TRPC6: variants seen among roughly 807,000 people sequenced by gnomAD.
TRPC6 encodes the protein short transient receptor potential channel 6.
Under a neutral mutation model 90.7 loss-of-function variants are expected in TRPC6, and 55 were observed. That is an observed-to-expected ratio of 0.61 (90% CI 0.49 to 0.76). The LOEUF (loss-of-function observed/expected upper bound fraction) is 0.76. TRPC6 is among the 30% of genes least tolerant of loss of function. The pLI is 0.00. For synonymous variants in TRPC6, 393 were observed against 393.0 expected, an observed-to-expected ratio of 1.00 and a Z score of 0.00; for missense variants, 989 against 1,122.7, an observed-to-expected ratio of 0.88 and a Z score of 1.70.
chr11:101,477,731 G>T (rs1000230102), intron 5 of TRPC6, among the ~76,000 whole-genome samples: 3 of 152,102 alleles, frequency 2.0e-5, no homozygotes, highest in Non-Finnish European at 2.9e-5. Context: ...CTACTTCATT[G>T]GATTGTTATG....
At chr11:101,535,207 G>A (rs150942628) in intron 1 of TRPC6, among the ~76,000 whole-genome samples, 1 of 78,606 alleles carries the variant, frequency 1.3e-5, no homozygotes, top group Non-Finnish European at 3.5e-5. Context: ...AGGAAGGAAG[G>A]AAGGAAGGAA....
At chr11:101,541,219 T>C (rs10895135) in intron 1 of TRPC6, among the ~76,000 whole-genome samples, 16,353 of 152,242 alleles carry the variant, frequency 0.11, 1,635 homozygotes, top group East Asian at 0.54. Flanking sequence ...TTTGTTTTTT[T>C]CTATGATGAA....
chr11:101,522,490 C>G (rs944044272), intron 1 of TRPC6, among the ~76,000 whole-genome samples: 2 of 152,142 alleles, frequency 1.3e-5, no homozygotes, highest in Non-Finnish European at 2.9e-5. Context: ...TTCTTTATAG[C>G]AATGTGAGAA....
intron 10 of TRPC6, among the ~76,000 whole-genome samples, chr11:101,462,042 C>A (rs1859016426): frequency 6.6e-6 from 1 of 152,160 alleles, no homozygotes; most frequent in South Asian, 2.1e-4. Flanking sequence ...GTATGGCTAG[C>A]CAGTTTTCCC....
chr11:101,500,463 C>T (rs1409023369), intron 2 of TRPC6, among the ~76,000 whole-genome samples: 3 of 151,992 alleles, frequency 2.0e-5, no homozygotes, highest in Non-Finnish European at 4.4e-5. Flanking sequence ...CCACCTCGGC[C>T]TCCCAAAGTG....
At chr11:101,563,222 G>A (rs746594230) in intron 1 of TRPC6, among the ~76,000 whole-genome samples, 10 of 152,172 alleles carry the variant, frequency 6.6e-5, no homozygotes, top group African/African-American at 9.7e-5. Flanking sequence ...CTACCACATA[G>A]TGTTGTACTA....
At chr11:101,565,853 T>C (rs1591142228) in intron 1 of TRPC6, among the ~76,000 whole-genome samples, 1 of 152,276 alleles carries the variant, frequency 6.6e-6, no homozygotes, top group African/African-American at 2.4e-5. Context: ...AACTATATTT[T>C]TAAAAATCAT....
In TRPC6 at chr11:101,504,205, C is replaced by A; in HGVS notation, c.764G>T (p.Cys255Phe). The A allele has an allele frequency of 1.2e-6, 2 of 1,614,136 alleles. No homozygotes were observed. Among genetic ancestry groups the A allele is most frequent in the African/African-American group, 1.3e-5 (1 of 75,048 alleles). Residue 255 changes from cysteine to phenylalanine, a missense_variant, in exon 2 of 13, where the codon TGC (cysteine) becomes TTC (phenylalanine). Coordinates refer to ENST00000344327, the MANE Select transcript of TRPC6 (RefSeq NM_004621.6). ...IERPHDYFCK[C>F]NDCNQKQKHD... Reference sequence around the variant, plus strand: ...CTTCTGTTTCTGGTTGCAGTCATTGCACTTGCAGAAATAATCATGAGGCCG... The same window carrying A: ...CTTCTGTTTCTGGTTGCAGTCATTGAACTTGCAGAAATAATCATGAGGCCG...
rs916797171 is a variant in TRPC6 at position 101,452,297 on chromosome 11, C to G, written c.*658G>C. The G allele has an allele frequency of 2.0e-5, 3 of 152,838 alleles. No individual in the cohort carries two copies. The highest frequency in any genetic ancestry group is 7.2e-5 in the African/African-American group (3 of 41,426). The allele number at this position is 152,838 out of a possible 1,614,324, so 9.5% of individuals were successfully genotyped here. On this transcript the variant is annotated 3_prime_UTR_variant, in exon 13 of 13. Transcript: ENST00000344327. Reference sequence around the variant, plus strand: ...ACACATTTACACACACGCACACACACAAAACTGGACCATGTTTCCAGGGTT... The same window carrying G: ...ACACATTTACACACACGCACACACAGAAAACTGGACCATGTTTCCAGGGTT...
intron 1 of TRPC6, among the ~76,000 whole-genome samples, chr11:101,573,952 G>A (rs909884422): frequency 9.6e-5 from 13 of 135,290 alleles, no homozygotes; most frequent in African/African-American, 1.7e-4. Context: ...GTGTGTGTGT[G>A]TGTGTATGTG....
chr11:101,502,492 C>A (rs144087930), intron 2 of TRPC6, among the ~76,000 whole-genome samples: 188 of 152,174 alleles, frequency 1.2e-3, no homozygotes, highest in African/African-American at 4.3e-3. Context: ...ATATAATAGT[C>A]TTCAGTGGTT....
rs1858800006 is a variant in TRPC6 at position 101,453,057 on chromosome 11, G to A, written c.2694C>T (p.Leu898=). Residue 898 remains leucine (L), a synonymous_variant, in exon 13 of 13, where the codon CTC becomes CTT. Transcript: ENST00000344327. ...CTGTATTCTGAGATTTTTCTTCAAG[G>A]AGTTCATAGCGGAGACTTGAGATGT... ...KQDISSLRYE[L]LEEKSQNTED... is the part of the protein sequence containing the mutation. The A allele has an allele frequency of 1.9e-6, 3 of 1,613,804 alleles. No individual in the cohort carries two copies. In the East Asian group the frequency reaches 6.7e-5, roughly 36 times the overall value.
At chr11:101,467,927 T>G (rs886176053) in intron 10 of TRPC6, among the ~76,000 whole-genome samples, 2 of 152,242 alleles carry the variant, frequency 1.3e-5, no homozygotes, top group African/African-American at 4.8e-5. Flanking sequence ...GTTAAATACC[T>G]TATTTTCCAT....
At chr11:101,517,476 T>C (rs530847858) in intron 1 of TRPC6, among the ~76,000 whole-genome samples, 2 of 152,354 alleles carry the variant, frequency 1.3e-5, no homozygotes, top group East Asian at 1.9e-4. Flanking sequence ...CGAAGGCTCA[T>C]GTTTCCTCTA....
chr11:101,568,435 T>A (rs1861883208), intron 1 of TRPC6, among the ~76,000 whole-genome samples: 1 of 152,164 alleles, frequency 6.6e-6, no homozygotes, highest in Non-Finnish European at 1.5e-5. Context: ...TTGGAAAACA[T>A]TCTTCAGAAT....
At chr11:101,542,857 G>GA (rs1379190916) in intron 1 of TRPC6, among the ~76,000 whole-genome samples, 2 of 151,898 alleles carry the variant, frequency 1.3e-5, no homozygotes, top group African/African-American at 4.8e-5. Flanking sequence ...GAAAACATGA[G>GA]AAAATCTTTG....
At chr11:101,461,189 T>G (rs143630301) in intron 10 of TRPC6, among the ~76,000 whole-genome samples, 7 of 152,326 alleles carry the variant, frequency 4.6e-5, no homozygotes, top group Non-Finnish European at 8.8e-5. Context: ...CATTTCACCT[T>G]ACTCCAGTTT....
intron 5 of TRPC6, among the ~76,000 whole-genome samples, chr11:101,479,274 G>A (rs1859492687): frequency 6.6e-6 from 1 of 152,210 alleles, no homozygotes; most frequent in East Asian, 1.9e-4. Context: ...TGAAGAGTCA[G>A]CCCAGGACTG....
intron 1 of TRPC6, among the ~76,000 whole-genome samples, chr11:101,540,400 G>A (rs1220571716): frequency 6.6e-6 from 1 of 152,164 alleles, no homozygotes; most frequent in Non-Finnish European, 1.5e-5. Flanking sequence ...TTAAAGACAT[G>A]GAGGAAAAGA....
Sources: gnomAD v4.1 joint callset for allele counts (sites outside exome capture counted in the v4.1 genomes callset) on GRCh38, gnomAD v4.1.1 for gene constraint, MANE v1.5 for transcripts, NCBI Gene and HGNC (gene_info 2026-07-23, HGNC 2026-07-21) for gene names.